EFCAB13: variants seen among roughly 807,000 people sequenced by gnomAD.
The protein encoded by EFCAB13 is EF-hand calcium-binding domain-containing protein 13.
A neutral mutation model predicts 110.2 loss-of-function variants in EFCAB13; 91 were observed. That is an observed-to-expected ratio of 0.83 (90% CI 0.70 to 0.98). EFCAB13 has a LOEUF of 0.98. EFCAB13 is among the 50% of genes least tolerant of loss of function. The pLI, the probability that EFCAB13 is intolerant of heterozygous loss-of-function variation, is 0.00. For missense variants in EFCAB13, 968 were observed against 1,119.4 expected (o/e 0.86, Z 1.93); for synonymous variants, 323 against 369.9 (o/e 0.87, Z 1.45).
intron 10 of EFCAB13, among the ~76,000 whole-genome samples, chr17:47,362,573 CTG>C (rs2065521242): frequency 6.6e-6 from 1 of 152,126 alleles, no homozygotes; most frequent in South Asian, 2.1e-4. Context: ...GAGGGCCTGA[CTG>C]ATGTCAGGCC....
intron 17 of EFCAB13, among the ~76,000 whole-genome samples, chr17:47,397,944 C>A (rs1760430546): frequency 6.6e-6 from 1 of 150,942 alleles, no homozygotes; most frequent in Non-Finnish European, 1.5e-5. Flanking sequence ...GCTAGGCCAG[C>A]CGCCCCGTCC....
intron 16 of EFCAB13, 63 bp downstream of exon 16, chr17:47,394,162 A>T (rs185199728): frequency 1.2e-5 from 13 of 1,085,414 alleles, no homozygotes; most frequent in Non-Finnish European, 1.7e-5. Context: ...ATTTTAGAAG[A>T]GCGTAAACAC....
At chr17:47,390,359 C>G (rs1009196244) in intron 14 of EFCAB13, among the ~76,000 whole-genome samples, 2 of 151,976 alleles carry the variant, frequency 1.3e-5, no homozygotes, top group Non-Finnish European at 2.9e-5. Context: ...CTCTCTCTCT[C>G]TCTGTGTTTT....
chr17:47,424,017 C>T (rs1490402655), intron 23 of EFCAB13, among the ~76,000 whole-genome samples: 1 of 152,086 alleles, frequency 6.6e-6, no homozygotes, highest in Non-Finnish European at 1.5e-5. Flanking sequence ...CTGGACTCTG[C>T]CGCGCCGCCC....
intron 12 of EFCAB13, 117 bp downstream of exon 12, chr17:47,375,083 CTT>C: frequency 6.7e-6 from 7 of 1,042,746 alleles, no homozygotes; most frequent in African/African-American, 1.7e-5. Flanking sequence ...ACCACCACTT[CTT>C]TTTTTTTTAA....
At chr17:47,428,965 T>G (rs1905049366) in intron 23 of EFCAB13, among the ~76,000 whole-genome samples, 2 of 152,220 alleles carry the variant, frequency 1.3e-5, no homozygotes, top group African/African-American at 4.8e-5. Flanking sequence ...AAAATTTTGT[T>G]TAGAAACAAA....
intron 6 of EFCAB13, among the ~76,000 whole-genome samples, chr17:47,343,648 T>C (rs570035120): frequency 6.6e-6 from 1 of 152,272 alleles, no homozygotes; most frequent in Admixed American, 6.5e-5. Context: ...TTCTTATTTT[T>C]CTAAAGTGCT....
chr17:47,351,279 C>CTGTGTGTGTGTGTGTG lies in EFCAB13; in HGVS notation c.661+3339_661+3354dup, dbSNP rs140772791. Among the ~76,000 whole-genome samples the CTGTGTGTGTGTGTGTG allele has an allele frequency of 6.4e-3, 816 of 127,912 alleles. 8 individuals carry two copies. Among genetic ancestry groups the CTGTGTGTGTGTGTGTG allele is most frequent in the Middle Eastern group, 0.012 (3 of 258 alleles). The allele number at this position is 127,912 out of a possible 152,430, so 83.9% of individuals were successfully genotyped here. A position where few individuals can be genotyped will look rare whatever the true frequency, so the allele number is the denominator to read the frequency against. On this transcript the variant is annotated intron_variant, in intron 9 of 24. Coordinates refer to ENST00000331493, the MANE Select transcript of EFCAB13 (RefSeq NM_152347.5). ...TTTTCTGTGGCTGACTAGTATTCCACTGTGTGTGTGTGTGTGTGTGTGTGT... is the reference window on the plus strand; with the variant it reads ...TTTTCTGTGGCTGACTAGTATTCCACTGTGTGTGTGTGTGTGTGTGTGTGTGTGTGTGTGTGTGTGT...
intron 12 of EFCAB13, among the ~76,000 whole-genome samples, chr17:47,375,386 G>A (rs987961540): frequency 1.3e-5 from 2 of 152,018 alleles, no homozygotes; most frequent in African/African-American, 4.8e-5. Flanking sequence ...GACCTTTTGT[G>A]TTCAAGTGAT....
rs548151039 is a variant in EFCAB13, at chr17:47,359,354, T to G, written c.662-2024T>G. On this transcript the variant is annotated intron_variant, in intron 9 of 24. Coordinates refer to ENST00000331493, the MANE Select transcript of EFCAB13 (RefSeq NM_152347.5). The stretch of plus-strand genomic sequence containing the variant: ...GTCTTTAAAAAAGAAAATTAATTAA[T>G]TAAAAAAAAGACTAATCGAATGAAC... Among the ~76,000 whole-genome samples the G allele has an allele frequency of 1.1e-4, 16 of 152,008 alleles. No individual in the cohort carries two copies. The South Asian group carries it at 3.3e-3, about 32-fold the overall frequency.
chr17:47,440,380 A>G (rs1905296008), intron 24 of EFCAB13, 51 bp from the exon 25 acceptor site: 1 of 1,477,296 alleles, frequency 6.8e-7, no homozygotes, highest in African/African-American at 1.4e-5. Flanking sequence ...ATATTATTTA[A>G]TTCTGAAACA....
In EFCAB13 at chr17:47,393,074, G is replaced by A. The variant is rs146086705; in HGVS notation, c.1727-951G>A. Among the ~76,000 whole-genome samples the A allele has an allele frequency of 5.3e-4, 80 of 152,020 alleles. 1 individual carries two copies. In the East Asian group the frequency reaches 0.013, roughly 26 times the overall value. Reference sequence around the variant, plus strand: ...CAACATCCTTAGTAATTAGGGAAGTGCAAAGTTTAGGTCATAATGAGATAC... The same window carrying A: ...CAACATCCTTAGTAATTAGGGAAGTACAAAGTTTAGGTCATAATGAGATAC... On this transcript the variant is annotated intron_variant, in intron 15 of 24. Transcript: ENST00000331493.
At chr17:47,433,696 C>A (rs1004294608) in intron 24 of EFCAB13, among the ~76,000 whole-genome samples, 1 of 152,042 alleles carries the variant, frequency 6.6e-6, no homozygotes, top group Non-Finnish European at 1.5e-5. Context: ...TGAAATTCTT[C>A]GGCAGGGACG....
Position 47,437,746 on chromosome 17 carries a change from G to A in EFCAB13, c.2639-2685G>A, listed in dbSNP as rs1267599975. On this transcript the variant is annotated intron_variant, in intron 24 of 24. Transcript: ENST00000331493. ...CTGTATCTTTTAAGTGGAGCATTTA[G>A]GCCTTTGACATTCAGTGTTAGTATT... 2.0e-5 allele frequency among the ~76,000 whole-genome samples: 3 copies of A among 152,138 alleles called. No homozygotes were observed. The East Asian group carries it at 5.8e-4, about 29-fold the overall frequency.
chr17:47,338,546 G>C (rs1252829446), intron 5 of EFCAB13, among the ~76,000 whole-genome samples: 3 of 150,708 alleles, frequency 2.0e-5, no homozygotes, highest in African/African-American at 7.4e-5. Context: ...CACTGCAGCT[G>C]GTTTACTACT....
Position 47,397,967 on chromosome 17 carries a change from G to C in EFCAB13, c.1945+1990G>C, listed in dbSNP as rs536997251. On this transcript the variant is annotated intron_variant, in intron 17 of 24. Transcript: ENST00000331493. Reference sequence around the variant, plus strand: ...AGCCGCCCCGTCCGGGAGGGAGGTGGGGGGGTCAGCCCCCCGCCCGGCCAG... The same window carrying C: ...AGCCGCCCCGTCCGGGAGGGAGGTGCGGGGGTCAGCCCCCCGCCCGGCCAG... Among the ~76,000 whole-genome samples the C allele has an allele frequency of 6.0e-3, 897 of 150,558 alleles. 8 individuals carry two copies. Among genetic ancestry groups the C allele is most frequent in the Middle Eastern group, 0.017 (5 of 290 alleles).
rs1204089926 is a variant in EFCAB13 at position 47,351,317 on chromosome 17, G to GCGCGCGCGCGCA, written c.661+3377_661+3378insACGCGCGCGCGC. ...TGTGTGTGTGTGTGCGCGCGCGCGCGCGCGCGCGCGCCACGTTTTCTTTAT... is the reference window on the plus strand; with the variant it reads ...TGTGTGTGTGTGTGCGCGCGCGCGCGCGCGCGCGCGCACGCGCGCGCGCCACGTTTTCTTTAT... On this transcript the variant is annotated intron_variant, in intron 9 of 24. Transcript: ENST00000331493. 2.8e-3 allele frequency among the ~76,000 whole-genome samples: 314 copies of GCGCGCGCGCGCA among 113,940 alleles called. 2 individuals are homozygous for GCGCGCGCGCGCA. Among genetic ancestry groups the GCGCGCGCGCGCA allele is most frequent in the Middle Eastern group, 9.8e-3 (2 of 204 alleles). The allele number at this position is 113,940 out of a possible 152,430, so 74.7% of individuals were successfully genotyped here.
At position 47,401,472 on chromosome 17, in the gene EFCAB13, T is replaced by C. The variant is rs569774335; in HGVS notation, c.1946-660T>C. ...TAGGCCTATCAGGCACTGAAAGACG[T>C]CTTTAAAGTTTTCTGGTGTAGAATT... On this transcript the variant is annotated intron_variant, in intron 17 of 24. Coordinates refer to ENST00000331493, the MANE Select transcript of EFCAB13 (RefSeq NM_152347.5). Among the ~76,000 whole-genome samples, 13 of 152,236 alleles carry C rather than the reference T, an allele frequency of 8.5e-5. 1 individual carries two copies. The South Asian group carries it at 2.7e-3, about 32-fold the overall frequency.
Position 47,374,846 on chromosome 17 carries a change from A to C in EFCAB13, c.1252A>C (p.Lys418Gln). Residue 418 changes from lysine (K) to glutamine (Q), a missense_variant, in exon 12 of 25, where the codon AAG becomes CAG. Coordinates refer to ENST00000331493, the MANE Select transcript of EFCAB13 (RefSeq NM_152347.5). Reference sequence around the variant, plus strand: ...CTTGAAGAGTAGTACAAGCCTCAGTAAGTCTCTGGATAAAAGTGATATTTC... The same window carrying C: ...CTTGAAGAGTAGTACAAGCCTCAGTCAGTCTCTGGATAAAAGTGATATTTC... ...QSLKSSTSLS[K>Q]SLDKSDISSI... is the part of the protein sequence containing the mutation. The C allele has an allele frequency of 6.2e-7, 1 of 1,613,984 alleles. No individual in the cohort carries two copies. The highest frequency in any genetic ancestry group is 8.5e-7 in the Non-Finnish European group (1 of 1,179,966).
Sources: allele counts gnomAD v4.1 joint callset (sites outside exome capture counted in the v4.1 genomes callset), GRCh38; gene constraint gnomAD v4.1.1; transcripts MANE v1.5; gene names NCBI Gene and HGNC (gene_info 2026-07-23, HGNC 2026-07-21).